The following CNOT6L variants were observed in gnomAD, a reference collection of about 807,000 sequenced individuals.
CNOT6L encodes the protein CCR4-NOT transcription complex subunit 6-like.
Under a neutral mutation model 64.0 loss-of-function variants are expected in CNOT6L, and 7 were observed. The observed-to-expected ratio is 0.11, with a 90% CI of 0.06 to 0.21. The LOEUF (loss-of-function observed/expected upper bound fraction) is 0.21. Among genes scored for constraint, CNOT6L ranks in the 10% least tolerant of loss-of-function variants. The probability of loss-of-function intolerance (pLI) is 1.00; values close to 1 mark genes in which losing one functional copy is unlikely to be tolerated. For synonymous variants in CNOT6L, 193 were observed against 243.4 expected (o/e 0.79, Z 1.93); for missense variants, 245 against 669.0 (o/e 0.37, Z 6.99).
intron 7 of CNOT6L, among the ~76,000 whole-genome samples, chr4:77,742,974 C>T (rs1421536883): frequency 6.6e-6 from 1 of 151,892 alleles, no homozygotes; most frequent in Admixed American, 6.6e-5. Context: ...CTAAATGTGT[C>T]CAATGGTATG....
intron 1 of CNOT6L, among the ~76,000 whole-genome samples, chr4:77,782,912 A>C (rs571226331): frequency 6.6e-6 from 1 of 152,138 alleles, no homozygotes; most frequent in Non-Finnish European, 1.5e-5. Flanking sequence ...ATATAGTAAG[A>C]TCATATTGAC....
At chr4:77,775,185 C>T (rs1386576233) in intron 2 of CNOT6L, among the ~76,000 whole-genome samples, 1 of 152,140 alleles carries the variant, frequency 6.6e-6, no homozygotes, top group Non-Finnish European at 1.5e-5. Flanking sequence ...AGTGCCAAGG[C>T]TAAGAAACCC....
At chr4:77,818,479 A>C (rs533141537) in intron 1 of CNOT6L, among the ~76,000 whole-genome samples, 7 of 152,326 alleles carry the variant, frequency 4.6e-5, no homozygotes, top group African/African-American at 1.7e-4. Context: ...ACGGCAAAGT[A>C]TTTGCAACAA....
At chr4:77,732,151 A>G (rs766726472) in intron 8 of CNOT6L, among the ~76,000 whole-genome samples, 1 of 152,114 alleles carries the variant, frequency 6.6e-6, no homozygotes, top group Admixed American at 6.6e-5. Context: ...GCAATGGGGT[A>G]TAAGTATTCT....
intron 5 of CNOT6L, among the ~76,000 whole-genome samples, chr4:77,755,796 C>T (rs896313775): frequency 3.3e-5 from 5 of 152,108 alleles, no homozygotes; most frequent in African/African-American, 1.2e-4. Flanking sequence ...TCATCATGGC[C>T]ACTATGCTGG....
Position 77,720,190 on chromosome 4 carries a change from A to G in CNOT6L, c.*241T>C, listed in dbSNP as rs982749333. On this transcript the variant is annotated 3_prime_UTR_variant, in exon 12 of 12. Transcript: ENST00000504123. ...TGCTGGCTGTTAATACAATATAAAG[A>G]AGGTCCAATTTAAAAACATGTTAAA... 3 of 410,170 alleles carry G rather than the reference A, an allele frequency of 7.3e-6. No homozygotes were observed. Among genetic ancestry groups the G allele is most frequent in the Admixed American group, 8.1e-5 (2 of 24,662 alleles). The allele number at this position is 410,170 out of a possible 1,614,324, so 25.4% of individuals were successfully genotyped here.
chr4:77,768,729 A>G (rs867611735), intron 4 of CNOT6L, among the ~76,000 whole-genome samples: 27 of 152,180 alleles, frequency 1.8e-4, no homozygotes, highest in South Asian at 1.0e-3. Flanking sequence ...AGCAATTAGG[A>G]AAATGTAAAT....
At chr4:77,806,051 T>C (rs1732181023) in intron 1 of CNOT6L, among the ~76,000 whole-genome samples, 1 of 152,234 alleles carries the variant, frequency 6.6e-6, no homozygotes, top group Admixed American at 6.5e-5. Context: ...CTTTATATTT[T>C]AACTTTTTTT....
At chr4:77,799,223 T>C (rs1731218447) in intron 1 of CNOT6L, among the ~76,000 whole-genome samples, 1 of 152,020 alleles carries the variant, frequency 6.6e-6, no homozygotes, top group African/African-American at 2.4e-5. Flanking sequence ...AGGCCAGTAG[T>C]TCAAGACCAG....
chr4:77,805,541 A>AT (rs1291472826), intron 1 of CNOT6L, among the ~76,000 whole-genome samples: 3 of 152,190 alleles, frequency 2.0e-5, no homozygotes, highest in Admixed American at 6.5e-5. Flanking sequence ...ACAGAAGTAC[A>AT]TTTTCATTTC....
chr4:77,769,401 C>A (rs1309547103), intron 4 of CNOT6L, among the ~76,000 whole-genome samples: 1 of 152,080 alleles, frequency 6.6e-6, no homozygotes, highest in Non-Finnish European at 1.5e-5. Flanking sequence ...TTTTTAAATT[C>A]TCCCAATCTG....
intron 1 of CNOT6L, among the ~76,000 whole-genome samples, chr4:77,782,789 T>C (rs1729013849): frequency 6.6e-6 from 1 of 152,140 alleles, no homozygotes; most frequent in Admixed American, 6.5e-5. Flanking sequence ...ATAGTATTTA[T>C]TTTTAACTAT....
chr4:77,784,794 T>C (rs1186864474), intron 1 of CNOT6L, among the ~76,000 whole-genome samples: 1 of 152,182 alleles, frequency 6.6e-6, no homozygotes, highest in Non-Finnish European at 1.5e-5. Flanking sequence ...TTCTTTCCAC[T>C]TTTTTGATTT....
intron 8 of CNOT6L, among the ~76,000 whole-genome samples, chr4:77,740,069 G>T (rs1447929784): frequency 6.6e-6 from 1 of 151,902 alleles, no homozygotes; most frequent in East Asian, 1.9e-4. Flanking sequence ...ATTTGTGTAT[G>T]AACATAGGTA....
intron 10 of CNOT6L, among the ~76,000 whole-genome samples, chr4:77,727,391 A>C (rs2109876096): frequency 6.6e-6 from 1 of 152,074 alleles, no homozygotes; most frequent in Non-Finnish European, 1.5e-5. Flanking sequence ...ACATGGTGAA[A>C]GCCTGTCTCT....
chr4:77,747,390 A>G (rs1724315145), intron 6 of CNOT6L, among the ~76,000 whole-genome samples: 1 of 151,524 alleles, frequency 6.6e-6, no homozygotes, highest in African/African-American at 2.4e-5. Context: ...CTAATCTTGA[A>G]CTCCTGGCCT....
At chr4:77,730,331 A>C (rs569808506) in intron 9 of CNOT6L, among the ~76,000 whole-genome samples, 24 of 152,236 alleles carry the variant, frequency 1.6e-4, no homozygotes, top group Admixed American at 2.6e-4. Flanking sequence ...TGTCACTTTT[A>C]GCTATAGATT....
intron 1 of CNOT6L, among the ~76,000 whole-genome samples, chr4:77,816,816 C>G (rs1733633683): frequency 6.6e-6 from 1 of 152,090 alleles, no homozygotes; most frequent in South Asian, 2.1e-4. Flanking sequence ...AAAAAGAAAA[C>G]AATCTTTATG....
chr4:77,733,906 G>A (rs1168136984), intron 8 of CNOT6L, among the ~76,000 whole-genome samples: 1 of 152,076 alleles, frequency 6.6e-6, no homozygotes, highest in African/African-American at 2.4e-5. Flanking sequence ...TACATGATGT[G>A]TGATGTTGTT....
Sources: gnomAD v4.1 joint callset for allele counts (sites outside exome capture counted in the v4.1 genomes callset) on GRCh38, gnomAD v4.1.1 for gene constraint, MANE v1.5 for transcripts, NCBI Gene and HGNC (gene_info 2026-07-23, HGNC 2026-07-21) for gene names.